The following PDCD1LG2 variants were observed in gnomAD, a reference collection of about 807,000 sequenced individuals.
PDCD1LG2 encodes the protein programmed cell death 1 ligand 2.
PDCD1LG2 carries 32 observed loss-of-function variants against 28.2 expected under a neutral mutation model. The ratio of observed to expected loss-of-function variants is 1.13; its 90% confidence interval spans 0.86 to 1.52. The LOEUF (loss-of-function observed/expected upper bound fraction) is 1.52, where lower values mean the gene tolerates loss of function less well. Ranked by LOEUF, PDCD1LG2 falls within the 40% of genes most tolerant of loss-of-function variation. The probability of loss-of-function intolerance (pLI) is 0.00; values close to 1 mark genes in which losing one functional copy is unlikely to be tolerated. For missense variants in PDCD1LG2, 385 were observed against 323.8 expected, an observed-to-expected ratio of 1.19 and a Z score of -1.45; for synonymous variants, 116 against 120.2, an observed-to-expected ratio of 0.97 and a Z score of 0.23.
At chr9:5,521,598 T>C (rs562347680) in intron 1 of PDCD1LG2, among the ~76,000 whole-genome samples, 25 of 152,218 alleles carry the variant, frequency 1.6e-4, no homozygotes, top group Non-Finnish European at 3.4e-4. Flanking sequence ...AACCTCTCCC[T>C]CTCAGCAATA....
intron 5 of PDCD1LG2, among the ~76,000 whole-genome samples, chr9:5,561,069 T>C (rs188452861): frequency 6.6e-6 from 1 of 152,298 alleles, no homozygotes; most frequent in East Asian, 1.9e-4. Context: ...TTACCTGGCA[T>C]ATAATAAATG....
intron 4 of PDCD1LG2, among the ~76,000 whole-genome samples, chr9:5,557,255 AGATG>A (rs201022368): frequency 0.03 from 2,963 of 97,818 alleles, 41 homozygotes; most frequent in South Asian, 0.056. Context: ...ATTAGATGAT[AGATG>A]GATGGATTGA....
intron 1 of PDCD1LG2, among the ~76,000 whole-genome samples, chr9:5,518,490 AGG>A (rs1820209950): frequency 1.3e-5 from 2 of 152,368 alleles, no homozygotes; most frequent in South Asian, 4.1e-4. Context: ...GGCAAGTGCC[AGG>A]CCTGTTGGTG....
chr9:5,528,786 A>G (rs1211479361), intron 2 of PDCD1LG2, among the ~76,000 whole-genome samples: 1 of 152,042 alleles, frequency 6.6e-6, no homozygotes, highest in Non-Finnish European at 1.5e-5. Flanking sequence ...CCCAGGCTGG[A>G]GTTCACTGTC....
chr9:5,566,285 C>A (rs1467819899), intron 6 of PDCD1LG2, among the ~76,000 whole-genome samples: 1 of 152,196 alleles, frequency 6.6e-6, no homozygotes, highest in Non-Finnish European at 1.5e-5. Flanking sequence ...GCTTCACTAA[C>A]CAGCAACTGA....
intron 6 of PDCD1LG2, among the ~76,000 whole-genome samples, chr9:5,563,449 G>A (rs1432488647): frequency 2.6e-5 from 4 of 152,174 alleles, no homozygotes; most frequent in African/African-American, 7.2e-5. Context: ...TGGACCTCTG[G>A]TCTCACATAG....
rs934186933 is a variant in PDCD1LG2, at chr9:5,569,659, G to T, written c.817-295G>T. On this transcript the variant is annotated intron_variant, in intron 6 of 6. Transcript: ENST00000397747. The surrounding 1 kb of genome is among the most constrained non-coding windows in gnomAD (Gnocchi z 4.1). ...CTGACACAATAGGGAACTATAAGAG[G>T]TTTTGAATAGGAGAGGCCCCTGAAA... Among the ~76,000 whole-genome samples, 1 of 152,202 alleles carries T rather than the reference G, an allele frequency of 6.6e-6. No individual in the cohort carries two copies. The highest frequency in any genetic ancestry group is 1.5e-5 in the Non-Finnish European group (1 of 68,034).
Position 5,549,478 on chromosome 9 carries a change from A to G in PDCD1LG2, c.505A>G (p.Thr169Ala), listed in dbSNP as rs781297845. 1 of 1,614,140 alleles carries G rather than the reference A, an allele frequency of 6.2e-7. No homozygotes were observed. The highest frequency in any genetic ancestry group is 1.7e-5 in the Admixed American group (1 of 60,014). ...TCCTGCCAACACCAGCCACTCCAGG[A>G]CCCCTGAAGGCCTCTACCAGGTCAC... is the stretch of plus-strand genomic sequence containing the variant. ...SVPANTSHSR[T>A]PEGLYQVTSV... The change falls in exon 4 of 7, where the codon ACC (threonine) becomes GCC (alanine). Residue 169 changes from threonine to alanine, a missense_variant. By Grantham distance (58) the Thr-to-Ala change is moderately conservative. Coordinates refer to ENST00000397747, the MANE Select transcript of PDCD1LG2 (RefSeq NM_025239.4).
intron 3 of PDCD1LG2, among the ~76,000 whole-genome samples, chr9:5,535,915 A>G (rs1326945221): frequency 6.6e-6 from 1 of 152,234 alleles, no homozygotes; most frequent in Non-Finnish European, 1.5e-5. Context: ...TATAAAAAAT[A>G]GATTTTGCTT....
intron 1 of PDCD1LG2, among the ~76,000 whole-genome samples, chr9:5,519,570 C>T (rs930493975): frequency 2.0e-5 from 3 of 152,192 alleles, no homozygotes; most frequent in Admixed American, 6.5e-5. Context: ...CCCCATGTCT[C>T]AGTCCTTGGG....
At position 5,569,211 on chromosome 9, in the gene PDCD1LG2, GT is replaced by G. The variant is rs968275119; in HGVS notation, c.817-742del. Among the ~76,000 whole-genome samples the G allele has an allele frequency of 1.5e-4, 23 of 152,160 alleles. No individual in the cohort carries two copies. Among genetic ancestry groups the G allele is most frequent in the African/African-American group, 5.5e-4 (23 of 41,444 alleles). ...GAAATGGAGGGTATGCTTAGAAGAG[GT>G]AACTGAGGCAAGTTTAATTTATAAA... is the stretch of plus-strand genomic sequence containing the variant. On this transcript the variant is annotated intron_variant, in intron 6 of 6. Transcript: ENST00000397747. This position sits in a 1 kb window ranked among gnomAD's most constrained non-coding sequence, Gnocchi z 4.1.
chr9:5,526,220 G>A (rs1820376871), intron 2 of PDCD1LG2, among the ~76,000 whole-genome samples: 1 of 152,032 alleles, frequency 6.6e-6, no homozygotes, highest in South Asian at 2.1e-4. Flanking sequence ...TTTATTTAAA[G>A]CTTTCTGTTG....
intron 6 of PDCD1LG2, among the ~76,000 whole-genome samples, chr9:5,566,393 C>T (rs145867407): frequency 2.0e-5 from 3 of 152,290 alleles, no homozygotes; most frequent in East Asian, 3.9e-4. Context: ...GATAGAATTG[C>T]ACTTCTCTGT....
At chr9:5,515,855 G>T (rs1053495182) in intron 1 of PDCD1LG2, among the ~76,000 whole-genome samples, 1 of 141,236 alleles carries the variant, frequency 7.1e-6, no homozygotes, top group Admixed American at 7.5e-5. Context: ...CCCGGGAGGC[G>T]GAGGATGCAG....
intron 3 of PDCD1LG2, among the ~76,000 whole-genome samples, chr9:5,546,824 G>A (rs1016458531): frequency 5.9e-5 from 9 of 152,204 alleles, no homozygotes; most frequent in African/African-American, 1.9e-4. Context: ...GGGGAAAGAT[G>A]TCAGAGCTTT....
intron 1 of PDCD1LG2, among the ~76,000 whole-genome samples, chr9:5,522,155 G>A (rs937891946): frequency 6.6e-6 from 1 of 150,918 alleles, no homozygotes; most frequent in African/African-American, 2.5e-5. Flanking sequence ...TAAAGAAGAT[G>A]GTGTCCATTA....
chr9:5,530,997 A>T (rs971592152), intron 2 of PDCD1LG2, among the ~76,000 whole-genome samples: 1 of 152,218 alleles, frequency 6.6e-6, no homozygotes, highest in African/African-American at 2.4e-5. Flanking sequence ...GCACGTGCAA[A>T]TGTTACTTTG....
At chr9:5,511,704 G>A (rs909491677) in intron 1 of PDCD1LG2, among the ~76,000 whole-genome samples, 1 of 152,202 alleles carries the variant, frequency 6.6e-6, no homozygotes, top group African/African-American at 2.4e-5. Context: ...GTGAGTGGAT[G>A]AACAATCCTG....
At chr9:5,522,455 T>G in intron 1 of PDCD1LG2, 78 bp from the exon 2 acceptor site, 2 of 1,095,440 alleles carry the variant, frequency 1.8e-6, no homozygotes, top group Admixed American at 3.9e-5. Context: ...GTTATTCCCC[T>G]GTTTTCAAAA....
Sources: allele counts gnomAD v4.1 joint callset (sites outside exome capture counted in the v4.1 genomes callset), GRCh38; gene constraint gnomAD v4.1.1; non-coding constraint Gnocchi (gnomAD v3.1); transcripts MANE v1.5; gene names NCBI Gene and HGNC (gene_info 2026-07-23, HGNC 2026-07-21).